The following MPDZ variants were observed in gnomAD, a reference collection of about 807,000 sequenced individuals.
MPDZ encodes multiple PDZ domain protein.
Under a neutral mutation model 239.1 loss-of-function variants are expected in MPDZ, and 234 were observed. The ratio of observed to expected loss-of-function variants is 0.98; its 90% CI spans 0.88 to 1.09. The LOEUF (loss-of-function observed/expected upper bound fraction) is 1.09. Ranked by LOEUF, MPDZ falls within the 50% of genes least tolerant of loss-of-function variation. The pLI, the probability that MPDZ is intolerant of heterozygous loss-of-function variation, is 0.00. For missense variants in MPDZ, 3,175 were observed against 2,510.0 expected, an observed-to-expected ratio of 1.26 and a Z score of -5.66; for synonymous variants, 1,048 against 881.3, an observed-to-expected ratio of 1.19 and a Z score of -3.35.
Position 13,238,511 on chromosome 9 carries a change from C to T in MPDZ, c.183+9124G>A, listed in dbSNP as rs533178539. Among the ~76,000 whole-genome samples the T allele has an allele frequency of 2.6e-5, 4 of 152,234 alleles. No homozygotes were observed. The South Asian group carries it at 8.3e-4, about 32-fold the overall frequency. ...CCTCTCTCTGGCAAGGAGCTGTTCT[C>T]CTCTCTCCTTTCTTCTGCCTATTAA... On this transcript the variant is annotated intron_variant, in intron 3 of 46. Coordinates refer to ENST00000319217, the MANE Select transcript of MPDZ (RefSeq NM_001378778.1).
At chr9:13,221,784 T>A (rs143805091) in intron 6 of MPDZ, among the ~76,000 whole-genome samples, 714 of 149,980 alleles carry the variant, frequency 4.8e-3, no homozygotes, top group Middle Eastern at 0.014. Context: ...AGAACTTCTT[T>A]AAAAAAAAAG....
At chr9:13,234,613 T>C (rs547201664) in intron 3 of MPDZ, among the ~76,000 whole-genome samples, 41 of 152,192 alleles carry the variant, frequency 2.7e-4, no homozygotes, top group Non-Finnish European at 5.4e-4. Flanking sequence ...CTAAAATATA[T>C]GTTATCTTAA....
chr9:13,269,296 T>C (rs374932250), intron 1 of MPDZ, among the ~76,000 whole-genome samples: 42 of 152,324 alleles, frequency 2.8e-4, no homozygotes, highest in East Asian at 2.1e-3. Context: ...TATATTCCTT[T>C]TGGACATACT....
chr9:13,201,815 A>G (rs944327723), intron 12 of MPDZ, among the ~76,000 whole-genome samples: 6 of 152,158 alleles, frequency 3.9e-5, no homozygotes, highest in African/African-American at 1.4e-4. Flanking sequence ...AATAAAAGAT[A>G]CAGTGAAACA....
chr9:13,275,385 G>C (rs1973934146), intron 1 of MPDZ, among the ~76,000 whole-genome samples: 1 of 152,202 alleles, frequency 6.6e-6, no homozygotes, highest in Admixed American at 6.5e-5. Flanking sequence ...CCATCTACAA[G>C]CCAAAGAGCG....
Position 13,107,131 on chromosome 9 carries a change from C to G in MPDZ, c.6067-20G>C. The G allele has an allele frequency of 7.1e-6, 11 of 1,540,582 alleles. No individual in the cohort carries two copies. The highest frequency in any genetic ancestry group is 8.8e-6 in the Non-Finnish European group (10 of 1,132,712). The stretch of plus-strand genomic sequence containing the variant: ...TGCTCCCTGCAAATTATAAAGTAGA[C>G]TTGTTTATTTCTCAAAAAATGCTGC... On this transcript the variant is annotated intron_variant, in intron 46 of 46. Transcript: ENST00000319217.
At chr9:13,189,976 G>A (rs1563992011) in intron 16 of MPDZ, 138 bp downstream of exon 16, 1 of 684,132 alleles carries the variant, frequency 1.5e-6, no homozygotes, top group African/African-American at 1.8e-5. Flanking sequence ...GATAATCAGT[G>A]AATCCTATAA....
intron 23 of MPDZ, among the ~76,000 whole-genome samples, chr9:13,158,916 C>T (rs575390409): frequency 3.9e-5 from 6 of 152,232 alleles, no homozygotes. Context: ...CTGATTATGG[C>T]CTGTGCCTTG....
chr9:13,177,525 C>G (rs1952659623), intron 19 of MPDZ, among the ~76,000 whole-genome samples: 1 of 152,122 alleles, frequency 6.6e-6, no homozygotes, highest in Non-Finnish European at 1.5e-5. Context: ...TAAACACAGC[C>G]ATACAATAAA....
At chr9:13,123,045 T>G (rs1944592191) in intron 36 of MPDZ, 108 bp downstream of exon 36, 2 of 1,163,060 alleles carry the variant, frequency 1.7e-6, no homozygotes, top group East Asian at 5.4e-5. Flanking sequence ...ACAGGTTTTT[T>G]CGGCCTTCAC....
Position 13,279,300 on chromosome 9 carries a change from A to ACCCCAGC in MPDZ, c.-58+99_-58+100insGCTGGGG, listed in dbSNP as rs1564192632. On this transcript the variant is annotated intron_variant, in intron 1 of 46. Transcript: ENST00000319217. The stretch of plus-strand genomic sequence containing the variant: ...ATCCCCGCCCCCACCCCCACCCCCA[A>ACCCCAGC]GCGCCGAGCCCAGGGCGCCCGCGCA... The ACCCCAGC allele has an allele frequency of 1.7e-5, 2 of 115,764 alleles. 1 individual carries two copies. The highest frequency in any genetic ancestry group is 3.7e-5 in the Non-Finnish European group (2 of 54,382). 7.2% of individuals were successfully genotyped at this position (115,764 alleles called of 1,614,324 possible). A position where few individuals can be genotyped will look rare whatever the true frequency, so the allele number is the denominator to read the frequency against.
At chr9:13,231,222 GA>G (rs923411240) in intron 3 of MPDZ, among the ~76,000 whole-genome samples, 7 of 151,960 alleles carry the variant, frequency 4.6e-5, no homozygotes, top group East Asian at 3.9e-4. Flanking sequence ...AAAAAATGGG[GA>G]AAAAAATACA....
chr9:13,144,765 A>C (rs1165736682), intron 26 of MPDZ, among the ~76,000 whole-genome samples: 1 of 152,096 alleles, frequency 6.6e-6, no homozygotes, highest in Non-Finnish European at 1.5e-5. Flanking sequence ...GGGCACAATG[A>C]CATTTCTGCT....
chr9:13,274,269 G>A (rs1973667422), intron 1 of MPDZ, among the ~76,000 whole-genome samples: 1 of 149,462 alleles, frequency 6.7e-6, no homozygotes, highest in Non-Finnish European at 1.5e-5. Flanking sequence ...TTTTTTTTTG[G>A]TAGTTGATGT....
chr9:13,159,757 G>C (rs531659275), intron 23 of MPDZ, among the ~76,000 whole-genome samples: 7 of 152,138 alleles, frequency 4.6e-5, no homozygotes, highest in African/African-American at 1.7e-4. Context: ...TCCAATACAA[G>C]GACCCCAGTC....
At chr9:13,117,351 G>C (rs754760159) in intron 39 of MPDZ, among the ~76,000 whole-genome samples, 42 of 152,110 alleles carry the variant, frequency 2.8e-4, no homozygotes, top group South Asian at 6.2e-4. Context: ...GTAACACAGT[G>C]AAACCCTGCC....
chr9:13,154,733 T>C (rs1284674898), intron 24 of MPDZ, among the ~76,000 whole-genome samples: 9 of 152,072 alleles, frequency 5.9e-5, no homozygotes, highest in Admixed American at 5.9e-4. Context: ...TGAAACTCAA[T>C]CCATACAACA....
intron 31 of MPDZ, chr9:13,134,143 G>T (rs1946410135): frequency 1.1e-5 from 2 of 184,000 alleles, no homozygotes; most frequent in South Asian, 3.8e-4. Context: ...CTTACGAGGT[G>T]TAACTGGACA....
intron 45 of MPDZ, among the ~76,000 whole-genome samples, chr9:13,109,651 T>C (rs1229427043): frequency 6.6e-6 from 1 of 152,178 alleles, no homozygotes; most frequent in East Asian, 1.9e-4. Context: ...CCATATTACA[T>C]GAAGTGGTAA....
Sources: allele counts gnomAD v4.1 joint callset (sites outside exome capture counted in the v4.1 genomes callset), GRCh38; gene constraint gnomAD v4.1.1; transcripts MANE v1.5; gene names NCBI Gene and HGNC (gene_info 2026-07-23, HGNC 2026-07-21).